The following PARP15 variants were observed in gnomAD, a reference collection of about 807,000 sequenced individuals.
PARP15 encodes the protein protein mono-ADP-ribosyltransferase PARP15.
PARP15 carries 50 observed loss-of-function variants against 62.1 expected under a neutral mutation model. That is an observed-to-expected ratio of 0.81 (90% confidence interval 0.64 to 1.02). The LOEUF is 1.02. Ranked by LOEUF, PARP15 falls within the 50% of genes least tolerant of loss-of-function variation. The pLI, the probability that PARP15 is intolerant of heterozygous loss-of-function variation, is 0.00. For missense variants in PARP15, 820 were observed against 826.5 expected, an observed-to-expected ratio of 0.99 and a Z score of 0.10; for synonymous variants, 309 against 293.1, an observed-to-expected ratio of 1.05 and a Z score of -0.55.
chr3:122,603,781 A>T (rs1455569662), intron 1 of PARP15, among the ~76,000 whole-genome samples: 2 of 152,232 alleles, frequency 1.3e-5, no homozygotes, highest in African/African-American at 4.8e-5. Context: ...GTAACAAATC[A>T]TGAAATTCTT....
At chr3:122,589,304 G>A (rs11714010) in intron 1 of PARP15, among the ~76,000 whole-genome samples, 112,847 of 152,062 alleles carry the variant, frequency 0.74, 41,984 homozygotes, top group African/African-American at 0.78. Flanking sequence ...ATTGTCTCCC[G>A]AGAGCCCCAA....
At chr3:122,594,113 A>G (rs1278235471) in intron 1 of PARP15, among the ~76,000 whole-genome samples, 2 of 152,226 alleles carry the variant, frequency 1.3e-5, no homozygotes, top group South Asian at 2.1e-4. Context: ...CATGTTAGAC[A>G]TCCTGACTTC....
At chr3:122,589,295 T>G (rs527529602) in intron 1 of PARP15, among the ~76,000 whole-genome samples, 81 of 152,262 alleles carry the variant, frequency 5.3e-4, no homozygotes, top group African/African-American at 1.9e-3. Context: ...CTAAACGTAA[T>G]TGTCTCCCGA....
intron 2 of PARP15, among the ~76,000 whole-genome samples, chr3:122,609,692 T>C (rs1935421518): frequency 7.0e-6 from 1 of 142,472 alleles, no homozygotes. Context: ...ATCGAAATCG[T>C]GTTTAAAAAA....
chr3:122,600,170 C>T (rs1022580977), intron 1 of PARP15, among the ~76,000 whole-genome samples: 3 of 152,142 alleles, frequency 2.0e-5, no homozygotes, highest in Non-Finnish European at 2.9e-5. Context: ...GCTATCACCT[C>T]TGACATAAGA....
chr3:122,592,161 T>C (rs1229982342), intron 1 of PARP15, among the ~76,000 whole-genome samples: 1 of 152,212 alleles, frequency 6.6e-6, no homozygotes, highest in East Asian at 1.9e-4. Flanking sequence ...TACAGCACTT[T>C]TCACAATAGC....
chr3:122,593,069 G>T (rs1934048517), intron 1 of PARP15, among the ~76,000 whole-genome samples: 1 of 116,012 alleles, frequency 8.6e-6, no homozygotes, highest in African/African-American at 3.4e-5. Context: ...TATATGTATA[G>T]ACTAAAAGAT....
chr3:122,635,960 G>T lies in PARP15; in HGVS notation c.1897G>T (p.Val633Phe), dbSNP rs534045976. The change falls in exon 12 of 12, where the codon GTC (valine) becomes TTC (phenylalanine). Residue 633 changes from valine to phenylalanine, a missense_variant. Physicochemically the swap from Val to Phe is conservative, Grantham distance 50 (BLOSUM62 -1). Transcript: ENST00000464300. ...CTTCACAAAGGGACGTGCAGGATTA[G>T]TCACCCCTCCACCCAAGAATCCTCA... ...GVFTKGRAGL[V>F]TPPPKNPHNP... 6.2e-7 allele frequency: 1 copy of T among 1,614,100 alleles called. No individual in the cohort carries two copies. The highest frequency in any genetic ancestry group is 8.5e-7 in the Non-Finnish European group (1 of 1,180,020).
chr3:122,592,583 A>G (rs1934008949), intron 1 of PARP15, among the ~76,000 whole-genome samples: 1 of 151,352 alleles, frequency 6.6e-6, no homozygotes, highest in Admixed American at 6.6e-5. Flanking sequence ...CTGCACATGT[A>G]CCACAGAACT....
intron 4 of PARP15, 172 bp from the exon 5 acceptor site, chr3:122,615,607 G>A: frequency 7.2e-7 from 1 of 1,389,642 alleles, no homozygotes; most frequent in Non-Finnish European, 9.7e-7. Flanking sequence ...TGCTATTTGT[G>A]GAGAAAATTC....
intron 10 of PARP15, among the ~76,000 whole-genome samples, chr3:122,634,697 C>T (rs1056882210): frequency 6.6e-6 from 1 of 152,178 alleles, no homozygotes; most frequent in African/African-American, 2.4e-5. Flanking sequence ...GTTTGAATGT[C>T]AGTGAATCTC....
intron 1 of PARP15, among the ~76,000 whole-genome samples, chr3:122,580,221 A>G (rs1396623879): frequency 6.6e-6 from 1 of 151,522 alleles, no homozygotes; most frequent in African/African-American, 2.4e-5. Context: ...TTTTATGTCT[A>G]CTTGTTCTAT....
At chr3:122,616,934 A>G in intron 5 of PARP15, 81 bp from the exon 6 acceptor site, 1 of 1,469,622 alleles carries the variant, frequency 6.8e-7, no homozygotes, top group Non-Finnish European at 9.3e-7. Context: ...CTGAGCTGGG[A>G]AGAGAATAGG....
chr3:122,601,783 G>A (rs1296253318), intron 1 of PARP15, among the ~76,000 whole-genome samples: 1 of 152,144 alleles, frequency 6.6e-6, no homozygotes, highest in Non-Finnish European at 1.5e-5. Flanking sequence ...ATTTATTTGG[G>A]TAAATACCAA....
In PARP15 at chr3:122,638,486, G is replaced by A. The variant is rs1011224576; in HGVS notation, c.*2386G>A. 6.6e-6 allele frequency: 1 copy of A among 152,146 alleles called. No homozygotes were observed. Among genetic ancestry groups the A allele is most frequent in the African/African-American group, 2.4e-5 (1 of 41,428 alleles). The allele number at this position is 152,146 out of a possible 1,614,324, so 9.4% of individuals were successfully genotyped here. A position where few individuals can be genotyped will look rare whatever the true frequency, so the allele number is the denominator to read the frequency against. ...GTTGCTTCCTAACTTTTTAATGATT[G>A]CCATTCTAACGGGTGTGGGATGGTA... On this transcript the variant is annotated 3_prime_UTR_variant, in exon 12 of 12. Coordinates refer to ENST00000464300, the MANE Select transcript of PARP15 (RefSeq NM_001113523.3).
Position 122,632,149 on chromosome 3 carries a change from C to CA in PARP15, c.1503dup (p.Gly502ArgfsTer6). The CA allele has an allele frequency of 6.2e-7, 1 of 1,613,864 alleles. No individual in the cohort carries two copies. Among genetic ancestry groups the CA allele is most frequent in the Non-Finnish European group, 8.5e-7 (1 of 1,179,836 alleles). ...CTGTTTTGCATGGTCCAGCTAGAGC[C>CA]AGGACAATCAGAATATAATACCATA... On this transcript the variant is annotated frameshift_variant, in exon 10 of 12. Transcript: ENST00000464300. LOFTEE classifies it high-confidence loss of function.
intron 9 of PARP15, among the ~76,000 whole-genome samples, chr3:122,630,411 G>A (rs985738629): frequency 2.6e-5 from 4 of 152,146 alleles, no homozygotes; most frequent in African/African-American, 4.8e-5. Context: ...CCAGCTGGGC[G>A]CTGTGGCTCA....
At position 122,615,822 on chromosome 3, in the gene PARP15, A is replaced by G. The variant is rs1243745853; in HGVS notation, c.815A>G (p.Asn272Ser). ...ACTAACTGGTCAAGAATAAATCCCA[A>G]CAAGGCCAGGATTCCCATGGCAGGA... ...EFTNWSRINP[N>S]KARIPMAGDT... The change falls in exon 5 of 12, where the codon AAC becomes AGC. Residue 272 changes from asparagine to serine, a missense_variant. Asn to Ser is a conservative substitution (Grantham distance 46). Transcript: ENST00000464300. The G allele has an allele frequency of 1.2e-6, 2 of 1,613,600 alleles. No individual in the cohort carries two copies. The highest frequency in any genetic ancestry group is 1.7e-6 in the Non-Finnish European group (2 of 1,179,742).
Position 122,636,466 on chromosome 3 carries a change from G to A in PARP15, c.*366G>A, listed in dbSNP as rs1937379138. On this transcript the variant is annotated 3_prime_UTR_variant, in exon 12 of 12. Coordinates refer to ENST00000464300, the MANE Select transcript of PARP15 (RefSeq NM_001113523.3). ...GGAACATGTTAAGACATCGAATGGT[G>A]GCGGGTTAAACTGTACTGCTTAAGT... The A allele has an allele frequency of 4.3e-6, 1 of 230,482 alleles. No individual in the cohort carries two copies. Among genetic ancestry groups the A allele is most frequent in the African/African-American group, 2.3e-5 (1 of 44,410 alleles). 14.3% of individuals were successfully genotyped at this position (230,482 alleles called of 1,614,324 possible).
Sources: gnomAD v4.1 joint callset for allele counts (sites outside exome capture counted in the v4.1 genomes callset) on GRCh38, gnomAD v4.1.1 for gene constraint, MANE v1.5 for transcripts, NCBI Gene and HGNC (gene_info 2026-07-23, HGNC 2026-07-21) for gene names.